Variants in RBFOX1 observed in about 807,000 individuals in gnomAD.
RBFOX1 encodes RNA binding protein fox-1 homolog 1.
In RBFOX1, 8 loss-of-function variants were observed where a neutral mutation model predicts 57.7. The observed-to-expected ratio is 0.14, with a 90% CI of 0.08 to 0.25. The LOEUF is 0.25. Among genes scored for constraint, RBFOX1 ranks in the 10% least tolerant of loss-of-function variants. The pLI is 1.00. For missense variants in RBFOX1, 611 were observed against 548.5 expected, an observed-to-expected ratio of 1.11 and a Z score of -1.14; for synonymous variants, 326 against 222.4, an observed-to-expected ratio of 1.47 and a Z score of -4.15.
upstream of RBFOX1, among the ~76,000 whole-genome samples, chr16:6,015,324 A>G (rs1204322566): frequency 6.6e-6 from 1 of 152,212 alleles, no homozygotes; most frequent in Non-Finnish European, 1.5e-5. Flanking sequence ...CCTTCTGGAA[A>G]AGTTATTAAA....
At chr16:7,457,829 T>A (rs970228021) in intron 4 of RBFOX1, among the ~76,000 whole-genome samples, 1 of 151,306 alleles carries the variant, frequency 6.6e-6, no homozygotes, top group African/African-American at 2.5e-5. Context: ...AAAAAAAAAA[T>A]AGCATCTTTG....
intron 4 of RBFOX1, among the ~76,000 whole-genome samples, chr16:7,343,282 G>T (rs754639766): frequency 2.0e-5 from 3 of 152,128 alleles, no homozygotes; most frequent in Non-Finnish European, 2.9e-5. Flanking sequence ...GCTCTGAGTC[G>T]CTTCGAAGTC....
intron 1 of RBFOX1, among the ~76,000 whole-genome samples, chr16:6,250,524 C>T (rs1414543663): frequency 6.6e-6 from 1 of 152,108 alleles, no homozygotes; most frequent in African/African-American, 2.4e-5. Context: ...GGAAGATGTC[C>T]CCTTAGCTCC....
At chr16:6,727,162 G>A (rs1461050820) in intron 3 of RBFOX1, among the ~76,000 whole-genome samples, 9 of 149,968 alleles carry the variant, frequency 6.0e-5, no homozygotes, top group East Asian at 3.9e-4. Flanking sequence ...TTCAAAAGTC[G>A]CAATTCCATA....
At chr16:5,501,423 T>C (rs1337317721) in intron 2 of RBFOX1, among the ~76,000 whole-genome samples, 2 of 151,030 alleles carry the variant, frequency 1.3e-5, no homozygotes, top group Admixed American at 1.3e-4. Context: ...AGACAAACTA[T>C]GCGGACGCCC....
At chr16:6,714,138 C>T (rs539079884) in intron 3 of RBFOX1, among the ~76,000 whole-genome samples, 29 of 152,248 alleles carry the variant, frequency 1.9e-4, no homozygotes, top group African/African-American at 7.0e-4. Context: ...GTTTTTCCTG[C>T]ACTCTCACGC....
chr16:6,369,971 C>G (rs1222711733), intron 2 of RBFOX1, among the ~76,000 whole-genome samples: 1 of 152,170 alleles, frequency 6.6e-6, no homozygotes, highest in African/African-American at 2.4e-5. Flanking sequence ...ATCCATCATG[C>G]ATTTCATTTA....
In RBFOX1 at chr16:7,673,217, C is replaced by A. The variant is rs576253966; in HGVS notation, c.931-3557C>A. On this transcript the variant is annotated intron_variant, in intron 13 of 15. Transcript: ENST00000550418. ...TAGAACATTTATTTTCAAAAGTGAT[C>A]TAAAGTGAAAACTTTGATTTAAGCC... 8.5e-5 allele frequency among the ~76,000 whole-genome samples: 13 copies of A among 152,230 alleles called. 1 individual carries two copies. In the South Asian group the frequency reaches 2.7e-3, roughly 32 times the overall value.
rs1491342393 is a variant in RBFOX1, at chr16:7,139,208, GTT to G, written c.27+87112_27+87113del. On this transcript the variant is annotated intron_variant, in intron 4 of 15. Transcript: ENST00000550418. ...TGTGTGTGTGTGTGTATGTGTGTGT[GTT>G]TGTGTGTGTGTGTGTCTGCTCCTCC... Among the ~76,000 whole-genome samples, 1,152 of 150,850 alleles carry G rather than the reference GTT, an allele frequency of 7.6e-3. 17 individuals are homozygous for G. The highest frequency in any genetic ancestry group is 0.027 in the African/African-American group (1,083 of 40,834).
intron 5 of RBFOX1, among the ~76,000 whole-genome samples, chr16:7,536,767 G>T (rs2081575231): frequency 6.6e-6 from 1 of 152,206 alleles, no homozygotes; most frequent in Non-Finnish European, 1.5e-5. Flanking sequence ...GGACAGGGAT[G>T]CCATGGTAGT....
At chr16:5,856,924 C>A (rs1447928518) in intron 3 of RBFOX1, among the ~76,000 whole-genome samples, 2 of 152,070 alleles carry the variant, frequency 1.3e-5, no homozygotes, top group Non-Finnish European at 1.5e-5. Context: ...ACTGGAGTAG[C>A]AATTTAAATT....
At chr16:5,784,405 C>G (rs949004343) in intron 3 of RBFOX1, among the ~76,000 whole-genome samples, 33 of 150,208 alleles carry the variant, frequency 2.2e-4, no homozygotes, top group Non-Finnish European at 3.8e-4. Flanking sequence ...CCAGCCTGGG[C>G]GACAGAGCGA....
At chr16:7,548,071 CTACT>C (rs1047977965) in intron 5 of RBFOX1, among the ~76,000 whole-genome samples, 4 of 152,324 alleles carry the variant, frequency 2.6e-5, no homozygotes, top group African/African-American at 9.6e-5. Context: ...ACATTTTGAG[CTACT>C]TATTCTGTTC....
intron 3 of RBFOX1, among the ~76,000 whole-genome samples, chr16:6,759,066 G>C: frequency 6.6e-6 from 1 of 151,980 alleles, no homozygotes; most frequent in Middle Eastern, 3.2e-3. Flanking sequence ...TTCCCGTTAT[G>C]AAACAGAAAA....
intron 2 of RBFOX1, among the ~76,000 whole-genome samples, chr16:6,536,310 A>G (rs144385452): frequency 5.9e-5 from 9 of 152,322 alleles, no homozygotes; most frequent in African/African-American, 1.9e-4. Context: ...TGGGAAGGAA[A>G]AAAATAGATA....
chr16:6,925,045 C>G (rs1359055363), intron 3 of RBFOX1, among the ~76,000 whole-genome samples: 10 of 142,702 alleles, frequency 7.0e-5, no homozygotes, highest in South Asian at 4.8e-4. Flanking sequence ...GCATAATATT[C>G]CATGGTGTAT....
At chr16:7,094,577 G>C (rs2061378172) in intron 4 of RBFOX1, among the ~76,000 whole-genome samples, 1 of 151,162 alleles carries the variant, frequency 6.6e-6, no homozygotes, top group East Asian at 1.9e-4. Context: ...CCTGTGTATT[G>C]GGAAACACTC....
chr16:7,013,892 C>A (rs1284411026), intron 3 of RBFOX1, among the ~76,000 whole-genome samples: 1 of 152,086 alleles, frequency 6.6e-6, no homozygotes, highest in Admixed American at 6.5e-5. Flanking sequence ...TCTTGATCTC[C>A]AAAAATCTTC....
chr16:6,648,326 G>C (rs902918821), intron 2 of RBFOX1, among the ~76,000 whole-genome samples: 1 of 152,046 alleles, frequency 6.6e-6, no homozygotes, highest in Non-Finnish European at 1.5e-5. Flanking sequence ...CTCCCAAAGT[G>C]CTGGGATTAT....
Sources: gnomAD v4.1 joint callset for allele counts (sites outside exome capture counted in the v4.1 genomes callset) on GRCh38, gnomAD v4.1.1 for gene constraint, MANE v1.5 for transcripts, NCBI Gene and HGNC (gene_info 2026-07-23, HGNC 2026-07-21) for gene names.